Variants in PCCA observed in about 807,000 individuals in gnomAD.
PCCA encodes propionyl-CoA carboxylase alpha chain, mitochondrial.
A neutral mutation model predicts 101.3 loss-of-function variants in PCCA; 74 were observed. The ratio of observed to expected loss-of-function variants is 0.73; its 90% CI spans 0.61 to 0.89. The LOEUF is 0.89. PCCA is among the 40% of genes least tolerant of loss of function. PCCA has a pLI of 0.00. For synonymous variants in PCCA, 294 were observed against 313.6 expected, an observed-to-expected ratio of 0.94 and a Z score of 0.66; for missense variants, 891 against 907.0, an observed-to-expected ratio of 0.98 and a Z score of 0.23.
At chr13:100,248,492 C>G (rs182681035) in intron 8 of PCCA, among the ~76,000 whole-genome samples, 25 of 152,280 alleles carry the variant, frequency 1.6e-4, no homozygotes, top group Non-Finnish European at 2.6e-4. Flanking sequence ...TTTAGCCATT[C>G]TAATAGGCAC....
intron 6 of PCCA, among the ~76,000 whole-genome samples, chr13:100,202,186 A>C (rs1415902504): frequency 6.6e-6 from 1 of 151,058 alleles, no homozygotes; most frequent in African/African-American, 2.4e-5. Context: ...AAAAAAAAAA[A>C]AACTGGGCAC....
chr13:100,413,115 C>T (rs933198143), intron 19 of PCCA, among the ~76,000 whole-genome samples: 3 of 152,132 alleles, frequency 2.0e-5, no homozygotes, highest in African/African-American at 4.8e-5. Flanking sequence ...AACAGAATAT[C>T]AAATGCATTT....
Position 100,142,240 on chromosome 13 carries a change from C to G in PCCA, c.301-12739C>G, listed in dbSNP as rs529746059. On this transcript the variant is annotated intron_variant, in intron 4 of 23. Transcript: ENST00000376285. Reference sequence around the variant, plus strand: ...CAAAAGAGGCATGCCAACAGCTGCACTAAGTGTTCTTTCCTAAGCCAGCCA... The same window carrying G: ...CAAAAGAGGCATGCCAACAGCTGCAGTAAGTGTTCTTTCCTAAGCCAGCCA... 1.4e-4 allele frequency among the ~76,000 whole-genome samples: 21 copies of G among 152,224 alleles called. No homozygotes were observed. In the South Asian group the frequency reaches 2.7e-3, roughly 20 times the overall value.
chr13:100,338,121 C>T (rs1046961347), intron 17 of PCCA, among the ~76,000 whole-genome samples: 1 of 152,204 alleles, frequency 6.6e-6, no homozygotes, highest in African/African-American at 2.4e-5. Flanking sequence ...ACCCCTTGCC[C>T]TCATACCTTC....
At chr13:100,262,693 T>TC (rs749217116) in intron 9 of PCCA, 36 bp from the exon 10 acceptor site, 16 of 581,180 alleles carry the variant, frequency 2.8e-5, no homozygotes, top group South Asian at 8.7e-5. Context: ...CCCCTCCCTC[T>TC]CCCCCCCTCC....
intron 19 of PCCA, among the ~76,000 whole-genome samples, chr13:100,377,070 C>T (rs1398131498): frequency 1.3e-5 from 2 of 152,196 alleles, no homozygotes; most frequent in African/African-American, 4.8e-5. Context: ...GAGGGAGTTC[C>T]CTGACCCCTT....
At chr13:100,320,044 C>G (rs2067849025) in intron 16 of PCCA, among the ~76,000 whole-genome samples, 1 of 152,168 alleles carries the variant, frequency 6.6e-6, no homozygotes, top group Non-Finnish European at 1.5e-5. Flanking sequence ...TCCTTCACAT[C>G]CCTTGTAAGT....
intron 21 of PCCA, among the ~76,000 whole-genome samples, chr13:100,503,990 G>T (rs1566472135): frequency 6.6e-6 from 1 of 152,256 alleles, no homozygotes; most frequent in Non-Finnish European, 1.5e-5. Context: ...ATAGATTCAT[G>T]TGAGTAAAAG....
At chr13:100,427,582 A>G (rs1406806703) in intron 20 of PCCA, among the ~76,000 whole-genome samples, 1 of 152,224 alleles carries the variant, frequency 6.6e-6, no homozygotes, top group Non-Finnish European at 1.5e-5. Context: ...TTGCTACTAA[A>G]AGAATTAATG....
At chr13:100,228,031 T>G (rs1392998625) in intron 7 of PCCA, among the ~76,000 whole-genome samples, 1 of 152,210 alleles carries the variant, frequency 6.6e-6, no homozygotes, top group Non-Finnish European at 1.5e-5. Flanking sequence ...TCTTTTTTTT[T>G]TCCAGACAGG....
intron 12 of PCCA, among the ~76,000 whole-genome samples, chr13:100,283,214 C>T (rs1173993391): frequency 6.6e-6 from 1 of 152,030 alleles, no homozygotes; most frequent in African/African-American, 2.4e-5. Flanking sequence ...AGCTGCAGCC[C>T]AAGAGTTTGG....
rs1207276219 is a variant in PCCA, at chr13:100,339,188, TA to T, written c.1541-968del. Among the ~76,000 whole-genome samples, 3 of 152,266 alleles carry T rather than the reference TA, an allele frequency of 2.0e-5. No individual in the cohort carries two copies. The East Asian group carries it at 5.8e-4, about 29-fold the overall frequency. On this transcript the variant is annotated intron_variant, in intron 17 of 23. Transcript: ENST00000376285. ...ATGTAAATGCTGTGTAAATCATTGT[TA>T]TACTGCATTGCTTTGAGGAAAATGA... is the stretch of plus-strand genomic sequence containing the variant.
chr13:100,245,063 T>C (rs934203947), intron 8 of PCCA, among the ~76,000 whole-genome samples: 1 of 151,980 alleles, frequency 6.6e-6, no homozygotes, highest in African/African-American at 2.4e-5. Flanking sequence ...GATGCAAATG[T>C]GCATCACCTC....
chr13:100,505,514 C>A (rs1407475909), intron 21 of PCCA, among the ~76,000 whole-genome samples: 1 of 152,170 alleles, frequency 6.6e-6, no homozygotes, highest in Non-Finnish European at 1.5e-5. Context: ...AGAGCTAGAA[C>A]TCCAACAATT....
At position 100,428,356 on chromosome 13, in the gene PCCA, C is replaced by A. The variant is rs1368689059; in HGVS notation, c.1845+2625C>A. ...CTACCCCCCACCCCCACCCCCACCC[C>A]CCCCACACCCTCAGCCTAGATCCAT... On this transcript the variant is annotated intron_variant, in intron 20 of 23. Coordinates refer to ENST00000376285, the MANE Select transcript of PCCA (RefSeq NM_000282.4). Among the ~76,000 whole-genome samples, 22 of 144,902 alleles carry A rather than the reference C, an allele frequency of 1.5e-4. No individual in the cohort carries two copies. In the South Asian group the frequency reaches 4.9e-3, roughly 32 times the overall value.
chr13:100,292,882 A>T (rs1461420850), intron 12 of PCCA, among the ~76,000 whole-genome samples: 1 of 151,834 alleles, frequency 6.6e-6, no homozygotes, highest in African/African-American at 2.4e-5. Context: ...TACATGGCTT[A>T]GGCCTTTGTG....
chr13:100,514,544 T>G (rs1023341857), intron 21 of PCCA, among the ~76,000 whole-genome samples: 1 of 152,184 alleles, frequency 6.6e-6, no homozygotes, highest in African/African-American at 2.4e-5. Context: ...CAAGAGACAC[T>G]TCCTCAAACC....
At chr13:100,184,468 G>A (rs2057072119) in intron 6 of PCCA, among the ~76,000 whole-genome samples, 1 of 152,212 alleles carries the variant, frequency 6.6e-6, no homozygotes, top group South Asian at 2.1e-4. Context: ...GTCTCCGTAA[G>A]ATAGCTATTC....
chr13:100,278,890 A>T (rs1225670224), intron 12 of PCCA, among the ~76,000 whole-genome samples: 3 of 152,222 alleles, frequency 2.0e-5, no homozygotes, highest in Non-Finnish European at 4.4e-5. Context: ...ACCCTCAAAA[A>T]ATTATAAAAA....
Sources: allele counts gnomAD v4.1 joint callset (sites outside exome capture counted in the v4.1 genomes callset), GRCh38; gene constraint gnomAD v4.1.1; transcripts MANE v1.5; gene names NCBI Gene and HGNC (gene_info 2026-07-23, HGNC 2026-07-21).